PJVK: variants seen among roughly 807,000 people sequenced by gnomAD.
The protein encoded by PJVK is autosomal recessive deafness type 59 protein.
Under a neutral mutation model 37.6 loss-of-function variants are expected in PJVK, and 33 were observed. The ratio of observed to expected loss-of-function variants is 0.88; its 90% confidence interval spans 0.67 to 1.17. PJVK has a LOEUF of 1.17. Ranked by LOEUF, PJVK falls within the 50% of genes most tolerant of loss-of-function variation. The pLI, the probability that PJVK is intolerant of heterozygous loss-of-function variation, is 0.00. For missense variants in PJVK, 410 were observed against 413.8 expected (o/e 0.99, Z 0.08); for synonymous variants, 141 against 143.5 (o/e 0.98, Z 0.13).
In PJVK at chr2:178,454,348, A is replaced by G; in HGVS notation, c.228A>G (p.Gln76=). The G allele has an allele frequency of 2.5e-6, 4 of 1,613,182 alleles. No homozygotes were observed. In the South Asian group the frequency reaches 3.3e-5, roughly 13 times the overall value. Residue 76 remains glutamine (Q), a synonymous_variant, in exon 3 of 7, where the codon CAA becomes CAG. Transcript: ENST00000644580. ...REISAGISSY[Q]LLNYEDESDV... ...CTTATAAAGGTATTTCATCTTATCA[A>G]TTACTGAATTATGAAGATGAATCAG...
Position 178,451,675 on chromosome 2 carries a change from G to A in PJVK, c.-117G>A, listed in dbSNP as rs1697671295. 1.6e-6 allele frequency: 1 copy of A among 638,766 alleles called. No homozygotes were observed. The highest frequency in any genetic ancestry group is 6.3e-5 in the Admixed American group (1 of 15,854). The allele number at this position is 638,766 out of a possible 1,614,324, so 39.6% of individuals were successfully genotyped here. A position where few individuals can be genotyped will look rare whatever the true frequency, so the allele number is the denominator to read the frequency against. On this transcript the variant is annotated 5_prime_UTR_variant, in exon 1 of 7. Transcript: ENST00000644580. ...CGCTCTTCGGGTCCCCGAGCCCTGTGTTTAGGAACACGCGGGGACGTCCAA... is the reference window on the plus strand; with the variant it reads ...CGCTCTTCGGGTCCCCGAGCCCTGTATTTAGGAACACGCGGGGACGTCCAA...
At chr2:178,460,747 G>A (rs1684441797) in intron 6 of PJVK, among the ~76,000 whole-genome samples, 1 of 151,146 alleles carries the variant, frequency 6.6e-6, no homozygotes, top group Non-Finnish European at 1.5e-5. Flanking sequence ...TACTTGAGAG[G>A]CTGAGGTAGG....
intron 1 of PJVK, chr2:178,452,434 C>T (rs531012377): frequency 3.0e-6 from 3 of 985,182 alleles, no homozygotes; most frequent in Non-Finnish European, 3.6e-6. Flanking sequence ...CTCTTCCTCT[C>T]CGTCTATATA....
intron 4 of PJVK, among the ~76,000 whole-genome samples, chr2:178,457,115 C>T (rs540617964): frequency 6.6e-6 from 1 of 152,194 alleles, no homozygotes; most frequent in South Asian, 2.1e-4. Flanking sequence ...ACTACAGGCA[C>T]CTGCCACCAC....
In PJVK at chr2:178,455,149, G is replaced by A. The variant is rs532202814; in HGVS notation, c.407+622G>A. 4.6e-4 allele frequency: 730 copies of A among 1,601,284 alleles called. 8 individuals are homozygous for A. The highest frequency in any genetic ancestry group is 4.4e-3 in the South Asian group (398 of 90,758). On this transcript the variant is annotated intron_variant, in intron 3 of 6. Coordinates refer to ENST00000644580, the MANE Select transcript of PJVK (RefSeq NM_001042702.5). ...GCTCGTGGCTCATTGAGGACGGCAA[G>A]GTGGTGACTGTGCATCTGGAGAAGA...
At position 178,461,001 on chromosome 2, in the gene PJVK, C is replaced by G; in HGVS notation, c.786C>G (p.Val262=). 6.2e-7 allele frequency: 1 copy of G among 1,613,746 alleles called. No homozygotes were observed. The highest frequency in any genetic ancestry group is 8.5e-7 in the Non-Finnish European group (1 of 1,179,980). ...TTTTAGATAGAAGAGTGATGGATGT[C>G]ATTTCTCGTTCACAGCTTTACTTGG... ...LFERNRRVMD[V]ISRSQLYLDD... The change falls in exon 7 of 7, where the codon GTC becomes GTG. Residue 262 remains valine, a synonymous_variant. Transcript: ENST00000644580.
At chr2:178,459,188 C>A in intron 5 of PJVK, 1 of 472,230 alleles carries the variant, frequency 2.1e-6, no homozygotes, top group Non-Finnish European at 4.4e-6. Context: ...CTCTACATTT[C>A]ACAGGTCTTT....
chr2:178,454,412 A>G lies in PJVK; in HGVS notation c.292A>G (p.Asn98Asp). The change falls in exon 3 of 7, where the codon AAT becomes GAT. Residue 98 changes from asparagine to aspartate, a missense_variant. By Grantham distance (23) the Asn-to-Asp change is conservative. Transcript: ENST00000644580. ...TGGAAGGCGAGGTAACCATATTGTA[A>G]ATGACGTTGGGATTAACGTTGCTGG... ...LYGRRGNHIV[N>D]DVGINVAGSD... is the part of the protein sequence containing the mutation. 6.2e-7 allele frequency: 1 copy of G among 1,614,010 alleles called. No homozygotes were observed.
intron 4 of PJVK, 26 bp downstream of exon 4, chr2:178,456,177 T>G: frequency 6.2e-7 from 1 of 1,611,832 alleles, no homozygotes; most frequent in Non-Finnish European, 8.5e-7. Flanking sequence ...TGGGTTCTCT[T>G]ACTAACTAAA....
intron 5 of PJVK, chr2:178,460,062 G>A (rs1224936379): frequency 1.1e-5 from 4 of 366,842 alleles, no homozygotes; most frequent in African/African-American, 8.3e-5. Flanking sequence ...TAAAATATAT[G>A]GAGTATTTCT....
In PJVK at chr2:178,453,502, T is replaced by C. The variant is rs756585755; in HGVS notation, c.93T>C (p.Tyr31=). The change falls in exon 2 of 7, where the codon TAT becomes TAC. Residue 31 remains tyrosine (Y), a synonymous_variant. Transcript: ENST00000644580. ...CAAGCCTCAGTGAAGCTGACAAATA[T>C]CAACCTCTAAGTCTGGTGGTAAAAA... The part of the protein sequence containing the change: ...PVPSLSEADK[Y]QPLSLVVKKK... 6 of 1,614,168 alleles carry C rather than the reference T, an allele frequency of 3.7e-6. No homozygotes were observed. Among genetic ancestry groups the C allele is most frequent in the Middle Eastern group, 1.7e-4 (1 of 6,060 alleles).
chr2:178,461,009 G>C lies in PJVK; in HGVS notation c.794G>C (p.Arg265Pro). 6.2e-7 allele frequency: 1 copy of C among 1,613,722 alleles called. No individual in the cohort carries two copies. The highest frequency in any genetic ancestry group is 1.6e-4 in the Middle Eastern group (1 of 6,062). Residue 265 changes from arginine (R) to proline (P), a missense_variant, in exon 7 of 7, where the codon CGT becomes CCT. Transcript: ENST00000644580. ...AGAAGAGTGATGGATGTCATTTCTC[G>C]TTCACAGCTTTACTTGGATGATCTT... The part of the protein sequence containing the change: ...RNRRVMDVIS[R>P]SQLYLDDLFS...
intron 1 of PJVK, 31 bp from the exon 2 acceptor site, chr2:178,453,357 C>A (rs1242170634): frequency 1.3e-6 from 2 of 1,591,512 alleles, no homozygotes; most frequent in South Asian, 2.2e-5. Flanking sequence ...TGATTTTCCT[C>A]TTTAAAAATG....
rs1183174619 is a variant in PJVK at position 178,453,558 on chromosome 2, A to C, written c.149A>C (p.Lys50Thr). Residue 50 changes from lysine (K) to threonine (T), a missense_variant, in exon 2 of 7, where the codon AAA (lysine) becomes ACA (threonine). Transcript: ENST00000644580. ...KKRCFLFPRYKFTSTPFTLKD... is the reference protein window; with the variant it reads ...KKRCFLFPRYTFTSTPFTLKD... The stretch of plus-strand genomic sequence containing the variant: ...CGATGCTTTCTGTTTCCTAGATATA[A>C]ATTTACTTCAACACCTTTTACACTG... 1.2e-6 allele frequency: 2 copies of C among 1,614,108 alleles called. No homozygotes were observed. Among genetic ancestry groups the C allele is most frequent in the Non-Finnish European group, 1.7e-6 (2 of 1,179,996 alleles).
chr2:178,459,341 C>A (rs917826403), intron 5 of PJVK: 3 of 355,756 alleles, frequency 8.4e-6, no homozygotes, highest in Non-Finnish European at 1.8e-5. Flanking sequence ...AATAGGGAGT[C>A]CAGAAACAAA....
chr2:178,461,378 A>T lies in PJVK; in HGVS notation c.*104A>T, dbSNP rs1238065315. ...TTGATGAATTAAATTAAAATGAGAA[A>T]AGCAAAAAGAAATTAACCTGTCTGG... On this transcript the variant is annotated 3_prime_UTR_variant, in exon 7 of 7. Transcript: ENST00000644580. 1.5e-6 allele frequency: 2 copies of T among 1,365,460 alleles called. No homozygotes were observed. Among genetic ancestry groups the T allele is most frequent in the Non-Finnish European group, 2.0e-6 (2 of 977,222 alleles). 84.6% of individuals were successfully genotyped at this position (1,365,460 alleles called of 1,614,324 possible). A position where few individuals can be genotyped will look rare whatever the true frequency, so the allele number is the denominator to read the frequency against.
In PJVK at chr2:178,461,583, C is replaced by CTTTT. The variant is rs1559373009; in HGVS notation, c.*309_*310insTTTT. ...GGATGTAGTCTATCATTTTAGTTCA[C>CTTTT]CTTTTTTTTTTTTTTTTTTGAGACA... On this transcript the variant is annotated 3_prime_UTR_variant, in exon 7 of 7. Coordinates refer to ENST00000644580, the MANE Select transcript of PJVK (RefSeq NM_001042702.5). 1.7e-5 allele frequency among the ~76,000 whole-genome samples: 2 copies of CTTTT among 117,216 alleles called. No individual in the cohort carries two copies. The highest frequency in any genetic ancestry group is 7.9e-5 in the Admixed American group (1 of 12,604). The allele number at this position is 117,216 out of a possible 152,430, so 76.9% of individuals were successfully genotyped here. A position where few individuals can be genotyped will look rare whatever the true frequency, so the allele number is the denominator to read the frequency against.
chr2:178,461,065 A>G lies in PJVK; in HGVS notation c.850A>G (p.Met284Val), dbSNP rs529801316. ...FSDYYDKPLSMTDISLKEGTH... is the reference protein window; with the variant it reads ...FSDYYDKPLSVTDISLKEGTH... ...TGACTACTATGACAAACCTCTCAGC[A>G]TGACTGATATTTCACTCAAAGAAGG... is the stretch of plus-strand genomic sequence containing the variant. Residue 284 changes from methionine (M) to valine (V), a missense_variant, in exon 7 of 7, where the codon ATG becomes GTG. Transcript: ENST00000644580. 4.3e-6 allele frequency: 7 copies of G among 1,614,094 alleles called. No homozygotes were observed. Among genetic ancestry groups the G allele is most frequent in the South Asian group, 3.3e-5 (3 of 91,082 alleles).
At chr2:178,453,943 G>T (rs572923911) in intron 2 of PJVK, 15 of 319,932 alleles carry the variant, frequency 4.7e-5, no homozygotes, top group Non-Finnish European at 9.3e-5. Context: ...GGTCAAATGA[G>T]ATGAAAATAA....
Sources: gnomAD v4.1 joint callset for allele counts (sites outside exome capture counted in the v4.1 genomes callset) on GRCh38, gnomAD v4.1.1 for gene constraint, MANE v1.5 for transcripts, NCBI Gene and HGNC (gene_info 2026-07-23, HGNC 2026-07-21) for gene names.